The following CCDC3 variants were observed in gnomAD, a reference collection of about 807,000 sequenced individuals.
The protein encoded by CCDC3 is coiled-coil domain-containing protein 3.
Under a neutral mutation model 21.4 loss-of-function variants are expected in CCDC3, and 24 were observed. That is an observed-to-expected ratio of 1.12 (90% confidence interval 0.81 to 1.58). The LOEUF (loss-of-function observed/expected upper bound fraction) is 1.58. Among genes scored for constraint, CCDC3 ranks in the 40% most tolerant of loss-of-function variants. The pLI is 0.00. For missense variants in CCDC3, 425 were observed against 360.9 expected, an observed-to-expected ratio of 1.18 and a Z score of -1.44; for synonymous variants, 186 against 166.0, an observed-to-expected ratio of 1.12 and a Z score of -0.93.
chr10:12,924,468 A>G (rs1834502220), intron 2 of CCDC3, among the ~76,000 whole-genome samples: 1 of 152,246 alleles, frequency 6.6e-6, no homozygotes, highest in African/African-American at 2.4e-5. Context: ...ATGGAAGCCA[A>G]TATGTCACGT....
intron 2 of CCDC3, among the ~76,000 whole-genome samples, chr10:12,926,474 G>T (rs1834541651): frequency 6.6e-6 from 1 of 152,162 alleles, no homozygotes; most frequent in Admixed American, 6.5e-5. Context: ...GGAGCACAAA[G>T]AATGGCATTT....
chr10:13,043,522 G>T (rs1462974768), intron 5 of CCDC3, among the ~76,000 whole-genome samples: 1 of 152,156 alleles, frequency 6.6e-6, no homozygotes, highest in Non-Finnish European at 1.5e-5. Context: ...GAACCCAGGA[G>T]GTGGAGGTTG....
At chr10:12,963,562 C>T (rs1381040590) in intron 2 of CCDC3, among the ~76,000 whole-genome samples, 1 of 149,048 alleles carries the variant, frequency 6.7e-6, no homozygotes, top group East Asian at 2.0e-4. Context: ...CTATTGAACT[C>T]CAGTTTTGTT....
intron 2 of CCDC3, among the ~76,000 whole-genome samples, chr10:12,975,736 C>T (rs961961408): frequency 9.9e-5 from 15 of 152,188 alleles, no homozygotes; most frequent in African/African-American, 3.4e-4. Flanking sequence ...ACAGAGTGTT[C>T]ATATAACCAG....
At chr10:12,913,246 C>T (rs1358366489) in intron 2 of CCDC3, among the ~76,000 whole-genome samples, 2 of 152,174 alleles carry the variant, frequency 1.3e-5, no homozygotes, top group African/African-American at 4.8e-5. Flanking sequence ...TTATTTGTAT[C>T]TTCAGTTTTT....
chr10:12,951,505 G>C (rs1835007606), intron 2 of CCDC3, among the ~76,000 whole-genome samples: 1 of 152,096 alleles, frequency 6.6e-6, no homozygotes, highest in South Asian at 2.1e-4. Flanking sequence ...GGAAGTATCA[G>C]GCATCATTTA....
intron 5 of CCDC3, among the ~76,000 whole-genome samples, chr10:13,041,479 GTTCAC>G (rs1284642692): frequency 7.9e-6 from 1 of 126,084 alleles, no homozygotes; most frequent in Non-Finnish European, 1.6e-5. Context: ...CTGTGTGTAA[GTTCAC>G]TCCAAGTGTC....
intron 2 of CCDC3, among the ~76,000 whole-genome samples, chr10:12,970,367 T>C (rs79722063): frequency 0.019 from 2,938 of 152,284 alleles, 89 homozygotes; most frequent in African/African-American, 0.067. Context: ...GGTGGGTTTA[T>C]TGCTGTACAA....
At position 12,910,611 on chromosome 10, in the gene CCDC3, A is replaced by AT. The variant is rs11320030; in HGVS notation, c.550-11933dup. On this transcript the variant is annotated intron_variant, in intron 2 of 2. Transcript: ENST00000378825. ...AGTCAGAGCAAAAAAAAAAAAAAAA[A>AT]TTTTTTTTTTTTTTTTGACACAGAG... Among the ~76,000 whole-genome samples, 692 of 105,180 alleles carry AT rather than the reference A, an allele frequency of 6.6e-3. 10 individuals are homozygous for AT. The highest frequency in any genetic ancestry group is 0.021 in the African/African-American group (555 of 26,756). 69.0% of individuals were successfully genotyped at this position (105,180 alleles called of 152,430 possible).
At chr10:12,949,286 T>G (rs905662761) in intron 2 of CCDC3, among the ~76,000 whole-genome samples, 4 of 152,206 alleles carry the variant, frequency 2.6e-5, no homozygotes. Context: ...GAGTAAGTTT[T>G]GGCTATGGGA....
At chr10:13,085,354 G>A (rs1380959199) in intron 3 of CCDC3, among the ~76,000 whole-genome samples, 1 of 152,196 alleles carries the variant, frequency 6.6e-6, no homozygotes, top group Non-Finnish European at 1.5e-5. Context: ...AAATAGAAAT[G>A]GCTGGCAACT....
chr10:12,943,635 C>A (rs997429989), intron 2 of CCDC3, among the ~76,000 whole-genome samples: 1 of 137,572 alleles, frequency 7.3e-6, no homozygotes, highest in African/African-American at 2.5e-5. Flanking sequence ...ATCTGCATAA[C>A]AACAGATTAG....
chr10:12,977,561 G>C (rs1431490959), intron 2 of CCDC3, among the ~76,000 whole-genome samples: 1 of 152,176 alleles, frequency 6.6e-6, no homozygotes, highest in Non-Finnish European at 1.5e-5. Context: ...ATAAACCCCA[G>C]GCATGAGAGA....
At chr10:12,992,355 C>G (rs1198712659) in intron 2 of CCDC3, among the ~76,000 whole-genome samples, 1 of 152,172 alleles carries the variant, frequency 6.6e-6, no homozygotes, top group Non-Finnish European at 1.5e-5. Flanking sequence ...CGCCACTGCA[C>G]TCCAGCCTGG....
chr10:13,067,203 G>C (rs1468679137), intron 4 of CCDC3, among the ~76,000 whole-genome samples: 1 of 152,226 alleles, frequency 6.6e-6, no homozygotes. Flanking sequence ...CTCCCAGCCA[G>C]GGTTGGGGTG....
Position 12,934,165 on chromosome 10 carries a change from C to T in CCDC3, c.550-35486G>A, listed in dbSNP as rs76881985. Among the ~76,000 whole-genome samples the T allele has an allele frequency of 4.9e-3, 752 of 152,206 alleles. 5 individuals carry two copies. Among genetic ancestry groups the T allele is most frequent in the African/African-American group, 0.017 (701 of 41,528 alleles). On this transcript the variant is annotated intron_variant, in intron 2 of 2. Coordinates refer to ENST00000378825, the MANE Select transcript of CCDC3 (RefSeq NM_031455.4). Reference sequence around the variant, plus strand: ...CATTTTCCTTTAACTGAAAATATTTCGAAATTTTTCTTCATTTCTTCCTTG... The same window carrying T: ...CATTTTCCTTTAACTGAAAATATTTTGAAATTTTTCTTCATTTCTTCCTTG...
intron 2 of CCDC3, among the ~76,000 whole-genome samples, chr10:12,959,877 G>A (rs988132036): frequency 1.3e-5 from 2 of 152,204 alleles, no homozygotes; most frequent in African/African-American, 4.8e-5. Context: ...TTCCTGGCCA[G>A]ACACAGTGGC....
intron 5 of CCDC3, among the ~76,000 whole-genome samples, chr10:13,011,470 C>T (rs7083804): frequency 2.0e-5 from 3 of 152,220 alleles, no homozygotes; most frequent in African/African-American, 4.8e-5. Flanking sequence ...CCTAGGAATA[C>T]AGCTAACCAG....
intron 4 of CCDC3, among the ~76,000 whole-genome samples, chr10:13,060,242 C>T (rs1009902475): frequency 3.3e-5 from 5 of 152,146 alleles, no homozygotes; most frequent in East Asian, 1.9e-4. Flanking sequence ...CCATGGAAGA[C>T]GTGACCTTGC....
Sources: allele counts gnomAD v4.1 joint callset (sites outside exome capture counted in the v4.1 genomes callset), GRCh38; gene constraint gnomAD v4.1.1; transcripts MANE v1.5; gene names NCBI Gene and HGNC (gene_info 2026-07-23, HGNC 2026-07-21).